Variants in SLC24A2 observed in about 807,000 individuals in gnomAD.
SLC24A2 encodes the protein solute carrier family 24 member 2.
In SLC24A2, 36 loss-of-function variants were observed where a neutral mutation model predicts 62.0. The observed-to-expected ratio is 0.58, with a 90% CI of 0.44 to 0.77. The LOEUF (loss-of-function observed/expected upper bound fraction) is 0.77. SLC24A2 is among the 30% of genes least tolerant of loss of function. The probability of loss-of-function intolerance (pLI) is 0.00; values close to 1 mark genes in which losing one functional copy is unlikely to be tolerated. For synonymous variants in SLC24A2, 358 were observed against 294.0 expected, an observed-to-expected ratio of 1.22 and a Z score of -2.23; for missense variants, 846 against 817.9, an observed-to-expected ratio of 1.03 and a Z score of -0.42.
At chr9:19,964,338 G>A in the SLC24A2 span, among the ~76,000 whole-genome samples, 2 of 151,920 alleles carry the variant, frequency 1.3e-5, no homozygotes, top group Non-Finnish European at 2.9e-5. Flanking sequence ...CCTGCACATT[G>A]TGCACATGTA....
the SLC24A2 span, among the ~76,000 whole-genome samples, chr9:19,886,041 T>C: frequency 6.6e-6 from 1 of 152,224 alleles, no homozygotes; most frequent in African/African-American, 2.4e-5. Context: ...CTATTGTGAA[T>C]AGTGCTGCGA....
At chr9:19,992,201 C>T in the SLC24A2 span, among the ~76,000 whole-genome samples, 2 of 152,144 alleles carry the variant, frequency 1.3e-5, no homozygotes, top group African/African-American at 4.8e-5. Flanking sequence ...AAGAGAACAA[C>T]TCTGTATATA....
chr9:19,520,084 C>T (rs1199123874), intron 10 of SLC24A2, among the ~76,000 whole-genome samples: 2 of 152,038 alleles, frequency 1.3e-5, no homozygotes, highest in African/African-American at 4.8e-5. Flanking sequence ...ACAATATGGT[C>T]ATGGAAAGGT....
chr9:20,273,172 G>C, the SLC24A2 span, among the ~76,000 whole-genome samples: 1 of 152,140 alleles, frequency 6.6e-6, no homozygotes, highest in South Asian at 2.1e-4. Context: ...CCAAAATATG[G>C]CTTCCTGGAA....
chr9:19,634,825 G>T (rs919296026), intron 2 of SLC24A2, among the ~76,000 whole-genome samples: 1 of 152,146 alleles, frequency 6.6e-6, no homozygotes, highest in South Asian at 2.1e-4. Context: ...TATTTTCAAT[G>T]TCATGCATCC....
At chr9:20,202,241 C>G in the SLC24A2 span, among the ~76,000 whole-genome samples, 1 of 152,136 alleles carries the variant, frequency 6.6e-6, no homozygotes, top group Non-Finnish European at 1.5e-5. Flanking sequence ...GTGCAAAACA[C>G]GCCAGAGAAA....
chr9:19,651,669 A>T (rs1818805619), intron 2 of SLC24A2, among the ~76,000 whole-genome samples: 1 of 152,252 alleles, frequency 6.6e-6, no homozygotes, highest in African/African-American at 2.4e-5. Flanking sequence ...AAACAAAAAC[A>T]TACCGCTGCC....
the SLC24A2 span, among the ~76,000 whole-genome samples, chr9:20,145,787 A>G: frequency 3.3e-5 from 5 of 152,010 alleles, no homozygotes; most frequent in Admixed American, 2.0e-4. Context: ...ACATATATGT[A>G]TATGTGTATA....
chr9:19,595,847 C>T (rs1412814754), intron 5 of SLC24A2, among the ~76,000 whole-genome samples: 1 of 152,126 alleles, frequency 6.6e-6, no homozygotes, highest in African/African-American at 2.4e-5. Context: ...CAAACTCCCC[C>T]TCCTAAGCCA....
the SLC24A2 span, among the ~76,000 whole-genome samples, chr9:20,059,887 A>C: frequency 1.3e-5 from 2 of 152,070 alleles, no homozygotes; most frequent in Non-Finnish European, 1.5e-5. Flanking sequence ...AAAGATTAAC[A>C]AGTTTGCCAC....
the SLC24A2 span, among the ~76,000 whole-genome samples, chr9:20,013,773 G>C: frequency 1.3e-5 from 2 of 152,110 alleles, no homozygotes; most frequent in Non-Finnish European, 2.9e-5. Context: ...CAAAGGAGCA[G>C]AATAGAAAAT....
At chr9:19,757,178 GTTGTAAATTCC>G (rs1259591245) in intron 2 of SLC24A2, among the ~76,000 whole-genome samples, 1 of 151,988 alleles carries the variant, frequency 6.6e-6, no homozygotes, top group Non-Finnish European at 1.5e-5. Context: ...ATGATAACAG[GTTGTAAATTCC>G]TTGAAGGCAA....
At chr9:19,691,907 C>A (rs1397058439) in intron 2 of SLC24A2, among the ~76,000 whole-genome samples, 1 of 152,116 alleles carries the variant, frequency 6.6e-6, no homozygotes, top group South Asian at 2.1e-4. Flanking sequence ...AGCTCTACCC[C>A]TCCCCTCTGC....
intron 7 of SLC24A2, among the ~76,000 whole-genome samples, chr9:19,558,041 G>A (rs1168380312): frequency 1.3e-5 from 2 of 152,246 alleles, no homozygotes; most frequent in South Asian, 4.1e-4. Flanking sequence ...TGACTCAAGT[G>A]ATCCTCCTGC....
the SLC24A2 span, among the ~76,000 whole-genome samples, chr9:19,832,039 T>C: frequency 0.089 from 13,552 of 152,288 alleles, 687 homozygotes; most frequent in African/African-American, 0.15. Context: ...TCTGTAGTAG[T>C]GCAATAGATT....
At chr9:20,212,876 C>T in the SLC24A2 span, among the ~76,000 whole-genome samples, 1 of 151,556 alleles carries the variant, frequency 6.6e-6, no homozygotes, top group African/African-American at 2.4e-5. Flanking sequence ...ATCTCATTGA[C>T]CACACCGTTT....
chr9:19,835,707 A>G, the SLC24A2 span, among the ~76,000 whole-genome samples: 1 of 152,248 alleles, frequency 6.6e-6, no homozygotes, highest in South Asian at 2.1e-4. Flanking sequence ...GATTCAACTC[A>G]GCTCTGCAAC....
At chr9:19,818,232 C>G in the SLC24A2 span, among the ~76,000 whole-genome samples, 2 of 152,092 alleles carry the variant, frequency 1.3e-5, no homozygotes, top group African/African-American at 4.8e-5. Flanking sequence ...CACAAAGTCT[C>G]TAACTCCTAC....
the SLC24A2 span, among the ~76,000 whole-genome samples, chr9:20,249,130 C>T: frequency 6.6e-6 from 1 of 152,288 alleles, no homozygotes; most frequent in East Asian, 1.9e-4. Flanking sequence ...ATTAATCTCT[C>T]TGGGCTTCAA....
Sources: allele counts gnomAD v4.1 joint callset (sites outside exome capture counted in the v4.1 genomes callset), GRCh38; gene constraint gnomAD v4.1.1; transcripts MANE v1.5; gene names NCBI Gene and HGNC (gene_info 2026-07-23, HGNC 2026-07-21).